PPME1: variants seen among roughly 807,000 people sequenced by gnomAD.
The protein encoded by PPME1 is testicular secretory protein Li 39.
In PPME1, 17 loss-of-function variants were observed where a neutral mutation model predicts 56.9. That is an observed-to-expected ratio of 0.30 (90% CI 0.20 to 0.45). The LOEUF (loss-of-function observed/expected upper bound fraction) is 0.45, where lower values mean the gene tolerates loss of function less well. Ranked by LOEUF, PPME1 falls within the 20% of genes least tolerant of loss-of-function variation. The pLI is 1.00. For missense variants in PPME1, 357 were observed against 483.2 expected (o/e 0.74, Z 2.45); for synonymous variants, 122 against 156.2 (o/e 0.78, Z 1.63).
At chr11:74,209,219 A>T (rs1286125541) in intron 3 of PPME1, among the ~76,000 whole-genome samples, 1 of 151,986 alleles carries the variant, frequency 6.6e-6, no homozygotes, top group Non-Finnish European at 1.5e-5. Flanking sequence ...TGATCTTCCC[A>T]CTTCAGCCTC....
chr11:74,196,009 A>G (rs1186117901), intron 1 of PPME1, among the ~76,000 whole-genome samples: 2 of 152,228 alleles, frequency 1.3e-5, no homozygotes, highest in Non-Finnish European at 2.9e-5. Flanking sequence ...TCAACTATAA[A>G]CAGTGTTTCT....
chr11:74,233,715 A>AGGAGGCTGAGGTGGGAGGATCATT (rs1309110748), intron 7 of PPME1, among the ~76,000 whole-genome samples: 2 of 152,170 alleles, frequency 1.3e-5, no homozygotes, highest in African/African-American at 4.8e-5. Context: ...CCAGCTACTC[A>AGGAGGCTGAGGTGGGAGGATCATT]GGAGGCTGAG....
At chr11:74,218,077 T>G (rs1284775032) in intron 3 of PPME1, among the ~76,000 whole-genome samples, 1 of 152,270 alleles carries the variant, frequency 6.6e-6, no homozygotes, top group East Asian at 1.9e-4. Context: ...TTTAATAAAG[T>G]TACAGGATAC....
intron 9 of PPME1, among the ~76,000 whole-genome samples, chr11:74,244,230 A>G (rs1033545898): frequency 1.1e-4 from 16 of 152,154 alleles, no homozygotes; most frequent in African/African-American, 3.4e-4. Flanking sequence ...TGCTATGAAC[A>G]TGGGTTTGCA....
At chr11:74,193,567 G>C (rs1047428350) in intron 1 of PPME1, among the ~76,000 whole-genome samples, 2 of 152,110 alleles carry the variant, frequency 1.3e-5, no homozygotes, top group Non-Finnish European at 2.9e-5. Flanking sequence ...TTCAAATACT[G>C]CTTTTATTTC....
At chr11:74,245,676 G>A (rs994071882) in intron 9 of PPME1, among the ~76,000 whole-genome samples, 3 of 152,034 alleles carry the variant, frequency 2.0e-5, no homozygotes, top group Non-Finnish European at 2.9e-5. Flanking sequence ...ATGACATGTT[G>A]TAATCTGTTT....
In PPME1 at chr11:74,181,562, T is replaced by G. The variant is rs573142917; in HGVS notation, c.101+10040T>G. ...TTTTTGTGTGTTTCCTCAATAACAT[T>G]TAGAACTCCTGTAGTGCAAGGACCT... On this transcript the variant is annotated intron_variant, in intron 1 of 13. Coordinates refer to ENST00000328257, the MANE Select transcript of PPME1 (RefSeq NM_016147.3). 4.4e-4 allele frequency among the ~76,000 whole-genome samples: 67 copies of G among 152,342 alleles called. No individual in the cohort carries two copies. In the South Asian group the frequency reaches 0.013, roughly 31 times the overall value.
chr11:74,211,342 AAG>A (rs1164807655), intron 3 of PPME1, among the ~76,000 whole-genome samples: 1 of 152,032 alleles, frequency 6.6e-6, no homozygotes, highest in Admixed American at 6.5e-5. Context: ...AATTTTGAAA[AAG>A]AGCAAAAAAA....
chr11:74,214,549 AG>A (rs138875316), intron 3 of PPME1, among the ~76,000 whole-genome samples: 5,598 of 152,232 alleles, frequency 0.037, 211 homozygotes, highest in African/African-American at 0.098. Context: ...CAGAGGTCAA[AG>A]ATAAAGAATT....
intron 1 of PPME1, among the ~76,000 whole-genome samples, chr11:74,182,620 A>G (rs1456315071): frequency 6.6e-6 from 1 of 152,214 alleles, no homozygotes; most frequent in Non-Finnish European, 1.5e-5. Flanking sequence ...TTGGCCTCCT[A>G]AAGCATTGGG....
At chr11:74,211,300 C>T (rs1858466531) in intron 3 of PPME1, among the ~76,000 whole-genome samples, 1 of 151,532 alleles carries the variant, frequency 6.6e-6, no homozygotes, top group South Asian at 2.1e-4. Context: ...GAAATTCACA[C>T]AGAATAATAA....
At chr11:74,235,786 TG>T (rs1427108242) in intron 7 of PPME1, 114 bp from the exon 8 acceptor site, 58 of 1,485,320 alleles carry the variant, frequency 3.9e-5, no homozygotes, top group Non-Finnish European at 2.7e-6. Context: ...GAAACACTGG[TG>T]ATCACTACTT....
At chr11:74,175,636 C>T (rs1404655212) in intron 1 of PPME1, among the ~76,000 whole-genome samples, 1 of 152,012 alleles carries the variant, frequency 6.6e-6, no homozygotes, top group Non-Finnish European at 1.5e-5. Flanking sequence ...TGGTGCATTA[C>T]AACCTCAAAC....
At chr11:74,247,466 C>A in intron 11 of PPME1, 1 of 167,864 alleles carries the variant, frequency 6.0e-6, no homozygotes, top group Non-Finnish European at 1.2e-5. Context: ...GACTACTGAT[C>A]AGTTTTTTGT....
chr11:74,250,911 C>T, intron 11 of PPME1, 43 bp from the exon 12 acceptor site: 1 of 1,509,718 alleles, frequency 6.6e-7, no homozygotes, highest in Non-Finnish European at 9.1e-7. Context: ...TAAGAGAGGG[C>T]TCTTTTAGTC....
intron 1 of PPME1, among the ~76,000 whole-genome samples, chr11:74,193,878 T>C (rs905115038): frequency 9.9e-5 from 15 of 152,224 alleles, no homozygotes; most frequent in African/African-American, 3.1e-4. Context: ...ATAATTTCTT[T>C]ATGTGAACTC....
chr11:74,199,526 A>G (rs1471047611), intron 1 of PPME1, among the ~76,000 whole-genome samples: 4 of 152,158 alleles, frequency 2.6e-5, no homozygotes, highest in African/African-American at 4.8e-5. Context: ...TACAGTGGCT[A>G]TTCACGAGTG....
intron 1 of PPME1, among the ~76,000 whole-genome samples, chr11:74,193,213 C>T (rs887243353): frequency 7.9e-5 from 12 of 152,136 alleles, no homozygotes; most frequent in South Asian, 6.2e-4. Flanking sequence ...TTATTAGTAA[C>T]GTGTAAGTTC....
chr11:74,195,217 C>A (rs373682038), intron 1 of PPME1, among the ~76,000 whole-genome samples: 11 of 152,286 alleles, frequency 7.2e-5, no homozygotes, highest in African/African-American at 2.6e-4. Flanking sequence ...CCTTAGAAAC[C>A]TGTTTGTCTC....
Sources: gnomAD v4.1 joint callset for allele counts (sites outside exome capture counted in the v4.1 genomes callset) on GRCh38, gnomAD v4.1.1 for gene constraint, MANE v1.5 for transcripts, NCBI Gene and HGNC (gene_info 2026-07-23, HGNC 2026-07-21) for gene names.